Variants in ARHGAP24 observed in about 807,000 individuals in gnomAD.
ARHGAP24 encodes rho GTPase-activating protein 24.
ARHGAP24 carries 50 observed loss-of-function variants against 76.4 expected under a neutral mutation model. That is an observed-to-expected ratio of 0.65 (90% CI 0.52 to 0.83). ARHGAP24 has a LOEUF of 0.83. ARHGAP24 is among the 40% of genes least tolerant of loss of function. The pLI is 0.00. For synonymous variants in ARHGAP24, 345 were observed against 323.3 expected, an observed-to-expected ratio of 1.07 and a Z score of -0.72; for missense variants, 930 against 914.2, an observed-to-expected ratio of 1.02 and a Z score of -0.22.
rs1455074093 is a variant in ARHGAP24 at position 85,515,344 on chromosome 4, A to G, written c.-21+39785A>G. 2.7e-5 allele frequency among the ~76,000 whole-genome samples: 4 copies of G among 149,532 alleles called. No individual in the cohort carries two copies. In the East Asian group the frequency reaches 7.8e-4, roughly 29 times the overall value. Reference sequence around the variant, plus strand: ...TCTCCCTTCTATCTATAACTTCTTCATCCTATATCCACTCTATGCAGGTAA... The same window carrying G: ...TCTCCCTTCTATCTATAACTTCTTCGTCCTATATCCACTCTATGCAGGTAA... On this transcript the variant is annotated intron_variant, in intron 1 of 9. Coordinates refer to ENST00000395184, the MANE Select transcript of ARHGAP24 (RefSeq NM_001025616.3).
At chr4:85,971,177 A>C (rs993234634) in intron 5 of ARHGAP24, among the ~76,000 whole-genome samples, 6 of 152,210 alleles carry the variant, frequency 3.9e-5, no homozygotes, top group African/African-American at 1.4e-4. Context: ...AGCTCTGTTA[A>C]AAATTTATAG....
Position 86,001,189 on chromosome 4 carries a change from A to G in ARHGAP24, c.*467A>G, listed in dbSNP as rs1049724456. ...AAGATAAGCAAAAATATAAATATAT[A>G]TATAAATATATGAGTTATTAAAATC... On this transcript the variant is annotated 3_prime_UTR_variant, in exon 10 of 10. Transcript: ENST00000395184. The G allele has an allele frequency of 3.3e-5, 13 of 395,596 alleles. No individual in the cohort carries two copies. Among genetic ancestry groups the G allele is most frequent in the Non-Finnish European group, 4.4e-5 (10 of 224,720 alleles). 24.5% of individuals were successfully genotyped at this position (395,596 alleles called of 1,614,324 possible). A position where few individuals can be genotyped will look rare whatever the true frequency, so the allele number is the denominator to read the frequency against.
intron 8 of ARHGAP24, among the ~76,000 whole-genome samples, chr4:85,989,492 T>C (rs925246046): frequency 1.5e-4 from 22 of 151,676 alleles, no homozygotes; most frequent in Admixed American, 1.3e-3. Context: ...GCACAGACTC[T>C]TTCAGAAAAA....
At chr4:85,503,517 G>T (rs941864100) in intron 1 of ARHGAP24, among the ~76,000 whole-genome samples, 1 of 151,890 alleles carries the variant, frequency 6.6e-6, no homozygotes, top group African/African-American at 2.4e-5. Context: ...GGCGTTTATA[G>T]TATTTTCTGA....
chr4:85,787,479 A>G (rs1290126203), intron 3 of ARHGAP24, among the ~76,000 whole-genome samples: 1 of 152,146 alleles, frequency 6.6e-6, no homozygotes, highest in African/African-American at 2.4e-5. Flanking sequence ...CTCCAATCCC[A>G]TTTATTTTGT....
At chr4:85,721,750 G>A in intron 2 of ARHGAP24, 135 bp from the exon 3 acceptor site, 1 of 750,764 alleles carries the variant, frequency 1.3e-6, no homozygotes, top group Non-Finnish European at 2.3e-6. Flanking sequence ...TTTGATTATT[G>A]GGAATATAAA....
chr4:85,526,655 T>C (rs1322134966), intron 1 of ARHGAP24, among the ~76,000 whole-genome samples: 1 of 152,082 alleles, frequency 6.6e-6, no homozygotes, highest in East Asian at 1.9e-4. Flanking sequence ...TCAAACTAAC[T>C]TTTATCCCAT....
intron 1 of ARHGAP24, among the ~76,000 whole-genome samples, chr4:85,517,644 A>G (rs555246931): frequency 1.4e-4 from 21 of 152,204 alleles, no homozygotes; most frequent in Admixed American, 9.8e-4. Context: ...ATTAATTTAT[A>G]TGAACATGCG....
chr4:85,835,498 G>C (rs1730220822), intron 3 of ARHGAP24, among the ~76,000 whole-genome samples: 1 of 147,732 alleles, frequency 6.8e-6, no homozygotes, highest in Non-Finnish European at 1.5e-5. Flanking sequence ...GGAGCTTGCA[G>C]TGGGCCGAGA....
intron 1 of ARHGAP24, among the ~76,000 whole-genome samples, chr4:85,483,314 GA>G (rs371807967): frequency 2.3e-4 from 35 of 151,164 alleles, no homozygotes; most frequent in African/African-American, 7.5e-4. Flanking sequence ...AGAATAGATG[GA>G]AAAAAAAACT....
intron 3 of ARHGAP24, among the ~76,000 whole-genome samples, chr4:85,911,122 C>T (rs1052611412): frequency 2.4e-4 from 37 of 152,216 alleles, no homozygotes; most frequent in Non-Finnish European, 3.8e-4. Flanking sequence ...ATGGCTGCAG[C>T]TGCACCTGCA....
chr4:85,912,915 T>TG (rs1461942983), intron 3 of ARHGAP24, among the ~76,000 whole-genome samples: 37 of 152,266 alleles, frequency 2.4e-4, no homozygotes, highest in African/African-American at 8.9e-4. Flanking sequence ...TAACATACTT[T>TG]GGGGTGAAAG....
chr4:85,971,832 T>C (rs1211562873), intron 5 of ARHGAP24, among the ~76,000 whole-genome samples: 1 of 152,100 alleles, frequency 6.6e-6, no homozygotes, highest in Non-Finnish European at 1.5e-5. Flanking sequence ...ACACTGAGGA[T>C]TCTATAGATC....
At chr4:85,847,095 G>T (rs1419313780) in intron 3 of ARHGAP24, among the ~76,000 whole-genome samples, 1 of 152,094 alleles carries the variant, frequency 6.6e-6, no homozygotes, top group Non-Finnish European at 1.5e-5. Context: ...AACCTTTCTG[G>T]AATACATGCA....
At chr4:85,860,996 GCACGCA>G (rs549361974) in intron 3 of ARHGAP24, among the ~76,000 whole-genome samples, 6,171 of 140,160 alleles carry the variant, frequency 0.044, 424 homozygotes, top group African/African-American at 0.16. Flanking sequence ...TTCTGTGCAT[GCACGCA>G]CACACACACA....
intron 2 of ARHGAP24, among the ~76,000 whole-genome samples, chr4:85,593,788 C>T (rs1728209670): frequency 6.6e-6 from 1 of 152,058 alleles, no homozygotes. Flanking sequence ...TTTATGGGTT[C>T]TTTATTCTGT....
At chr4:85,881,270 C>T (rs771842159) in intron 3 of ARHGAP24, among the ~76,000 whole-genome samples, 3 of 152,044 alleles carry the variant, frequency 2.0e-5, no homozygotes, top group Non-Finnish European at 1.5e-5. Flanking sequence ...TACTTAGAAC[C>T]GTGGCAATTT....
In ARHGAP24 at chr4:85,880,379, A is replaced by G. The variant is rs184245122; in HGVS notation, c.269-43269A>G. On this transcript the variant is annotated intron_variant, in intron 3 of 9. Coordinates refer to ENST00000395184, the MANE Select transcript of ARHGAP24 (RefSeq NM_001025616.3). ...GTGTAACCATCCCTTACTTGCAGTAAGCATCTGGGTGTCACTTGTTTCAGG... is the reference window on the plus strand; with the variant it reads ...GTGTAACCATCCCTTACTTGCAGTAGGCATCTGGGTGTCACTTGTTTCAGG... Among the ~76,000 whole-genome samples, 673 of 152,256 alleles carry G rather than the reference A, an allele frequency of 4.4e-3. 5 individuals are homozygous for G. Among genetic ancestry groups the G allele is most frequent in the Non-Finnish European group, 5.4e-3 (365 of 68,020 alleles).
At chr4:85,793,358 G>C (rs1275355617) in intron 3 of ARHGAP24, among the ~76,000 whole-genome samples, 1 of 152,044 alleles carries the variant, frequency 6.6e-6, no homozygotes, top group African/African-American at 2.4e-5. Context: ...GATCTTAAAA[G>C]ATTTTTTCTT....
Sources: gnomAD v4.1 joint callset for allele counts (sites outside exome capture counted in the v4.1 genomes callset) on GRCh38, gnomAD v4.1.1 for gene constraint, MANE v1.5 for transcripts, NCBI Gene and HGNC (gene_info 2026-07-23, HGNC 2026-07-21) for gene names.